The following CA12 variants were observed in gnomAD, a reference collection of about 807,000 sequenced individuals.
CA12 encodes the protein carbonate dehydratase XII.
In CA12, 36 loss-of-function variants were observed where a neutral mutation model predicts 46.8. The observed-to-expected ratio is 0.77, with a 90% CI of 0.59 to 1.02. The LOEUF (loss-of-function observed/expected upper bound fraction) is 1.02, where lower values mean the gene tolerates loss of function less well. Among genes scored for constraint, CA12 ranks in the 50% least tolerant of loss-of-function variants. CA12 has a pLI of 0.00. For synonymous variants in CA12, 202 were observed against 187.0 expected, an observed-to-expected ratio of 1.08 and a Z score of -0.65; for missense variants, 436 against 451.4, an observed-to-expected ratio of 0.97 and a Z score of 0.31.
chr15:63,341,178 GA>G lies in CA12; in HGVS notation c.526-396del, dbSNP rs530147601. On this transcript the variant is annotated intron_variant, in intron 5 of 10. Coordinates refer to ENST00000178638, the MANE Select transcript of CA12 (RefSeq NM_001218.5). The surrounding 1 kb of genome is among the most constrained non-coding windows in gnomAD (Gnocchi z 5.2). ...AATGAGGTACATACAGCCTCATTAG[GA>G]AAAAAAAACATGCAAGCCAATCAGA... is the stretch of plus-strand genomic sequence containing the variant. Among the ~76,000 whole-genome samples the G allele has an allele frequency of 2.7e-5, 4 of 150,648 alleles. No homozygotes were observed. Among genetic ancestry groups the G allele is most frequent in the East Asian group, 1.9e-4 (1 of 5,150 alleles).
Position 63,330,931 on chromosome 15 carries a change from G to A in CA12, c.875-2801C>T, listed in dbSNP as rs529911728. ...AGACAAAGAAAGGCCCAGAGACTGG[G>A]ACAGATACTTTTCAGCCAAGACTTT... On this transcript the variant is annotated intron_variant, in intron 8 of 10. Coordinates refer to ENST00000178638, the MANE Select transcript of CA12 (RefSeq NM_001218.5). This position sits in a 1 kb window ranked among gnomAD's most constrained non-coding sequence, Gnocchi z 4.0. Among the ~76,000 whole-genome samples, 6 of 152,232 alleles carry A rather than the reference G, an allele frequency of 3.9e-5. No homozygotes were observed. The highest frequency in any genetic ancestry group is 7.3e-5 in the Non-Finnish European group (5 of 68,042).
rs1359241411 is a variant in CA12, at chr15:63,322,571, CCG to C, written c.*3712_*3713del. On this transcript the variant is annotated 3_prime_UTR_variant, in exon 11 of 11. Transcript: ENST00000178638. The surrounding 1 kb of genome is among the most constrained non-coding windows in gnomAD (Gnocchi z 4.1). ...TAAAGGAGGGCCTGAGTTCCCTCTG[CCG>C]ACCTATGGCTCTCACTGCTATGCCT... is the stretch of plus-strand genomic sequence containing the variant. 6.6e-6 allele frequency: 1 copy of C among 152,196 alleles called. No individual in the cohort carries two copies. The highest frequency in any genetic ancestry group is 1.5e-5 in the Non-Finnish European group (1 of 68,036). 9.4% of individuals were successfully genotyped at this position (152,196 alleles called of 1,614,324 possible).
At position 63,340,841 on chromosome 15, in the gene CA12, T is replaced by G; in HGVS notation, c.526-58A>C. On this transcript the variant is annotated intron_variant, in intron 5 of 10. Transcript: ENST00000178638. The surrounding 1 kb of genome is among the most constrained non-coding windows in gnomAD (Gnocchi z 4.4). Reference sequence around the variant, plus strand: ...CAGAACAGGATAGGCTGAGCCAGGATTGACGATTGCTATCAGAAGGGCAAA... The same window carrying G: ...CAGAACAGGATAGGCTGAGCCAGGAGTGACGATTGCTATCAGAAGGGCAAA... The G allele has an allele frequency of 1.4e-5, 21 of 1,487,642 alleles. No homozygotes were observed. The South Asian group carries it at 2.4e-4, about 17-fold the overall frequency. The allele number at this position is 1,487,642 out of a possible 1,614,324, so 92.2% of individuals were successfully genotyped here.
In CA12 at chr15:63,364,346, A is replaced by AAAAAC. The variant is rs1555431590; in HGVS notation, c.106+11311_106+11312insGTTTT. 1.3e-4 allele frequency among the ~76,000 whole-genome samples: 19 copies of AAAAAC among 146,996 alleles called. 2 individuals are homozygous for AAAAAC. The highest frequency in any genetic ancestry group is 3.5e-4 in the Admixed American group (5 of 14,404). ...CCCCGTCACTAGAAAAAAAAAAAAA[A>AAAAAC]AAAAAAAAACAGTGGGACTCTTAGG... On this transcript the variant is annotated intron_variant, in intron 2 of 10. Transcript: ENST00000178638.
At chr15:63,359,512 TAC>T (rs556674711) in intron 2 of CA12, among the ~76,000 whole-genome samples, 4 of 151,302 alleles carry the variant, frequency 2.6e-5, no homozygotes, top group African/African-American at 4.8e-5. Context: ...CATATATATG[TAC>T]ACACACACAC....
chr15:63,381,651 G>A lies in CA12; in HGVS notation c.70C>T (p.Pro24Ser), dbSNP rs1363417986. ...LVILKEQPSS[P>S]APVNGSKWTY... The stretch of plus-strand genomic sequence containing the variant: ...GAAACTTTACCGTTCACTGGGGCCG[G>A]GCTGGAAGGCTGTTCCTTTAAGATC... The change falls in exon 1 of 11, where the codon CCG (proline) becomes TCG (serine). Residue 24 changes from proline (P) to serine (S), a missense_variant. Transcript: ENST00000178638. 7 of 1,611,542 alleles carry A rather than the reference G, an allele frequency of 4.3e-6. No homozygotes were observed. The highest frequency in any genetic ancestry group is 5.9e-6 in the Non-Finnish European group (7 of 1,178,970).
At position 63,377,984 on chromosome 15, in the gene CA12, C is replaced by T. The variant is rs527237970; in HGVS notation, c.86-2306G>A. Among the ~76,000 whole-genome samples the T allele has an allele frequency of 9.2e-5, 14 of 152,330 alleles. No homozygotes were observed. The South Asian group carries it at 2.9e-3, about 32-fold the overall frequency. On this transcript the variant is annotated intron_variant, in intron 1 of 10. Coordinates refer to ENST00000178638, the MANE Select transcript of CA12 (RefSeq NM_001218.5). ...ATTTACCATTAATTTAGCATTAGTG[C>T]CATGAACTTAGGGAATCTTCAAGTC...
chr15:63,355,845 T>C lies in CA12; in HGVS notation c.107-9136A>G, dbSNP rs1396646915. Among the ~76,000 whole-genome samples, 1 of 152,192 alleles carries C rather than the reference T, an allele frequency of 6.6e-6. No homozygotes were observed. The highest frequency in any genetic ancestry group is 1.9e-4 in the East Asian group (1 of 5,196). On this transcript the variant is annotated intron_variant, in intron 2 of 10. Transcript: ENST00000178638. The surrounding 1 kb of genome is among the most constrained non-coding windows in gnomAD (Gnocchi z 4.1). ...TGTGAAAGTGTTAAGTCCACAGCCC[T>C]GTAGCCACCGCCCTCGCAAGACATC...
chr15:63,350,123 T>A (rs2039208912), intron 2 of CA12, among the ~76,000 whole-genome samples: 1 of 152,158 alleles, frequency 6.6e-6, no homozygotes, highest in Non-Finnish European at 1.5e-5. Flanking sequence ...TCCCCCAGCA[T>A]GTAATGGCTA....
At chr15:63,353,510 G>A (rs946314646) in intron 2 of CA12, among the ~76,000 whole-genome samples, 1 of 152,186 alleles carries the variant, frequency 6.6e-6, no homozygotes, top group Non-Finnish European at 1.5e-5. Context: ...ACCTGCTTGT[G>A]TACATTCCTC....
rs781692852 is a variant in CA12, at chr15:63,340,715, C to A, written c.589+5G>T. 21 of 1,613,474 alleles carry A rather than the reference C, an allele frequency of 1.3e-5. No individual in the cohort carries two copies. The highest frequency in any genetic ancestry group is 9.3e-6 in the Non-Finnish European group (11 of 1,179,478). ...AGAGTGAATATGCATGCAAGGACCC[C>A]TCACCTTTGTACTTTACATGTTGAA... On this transcript the variant is annotated splice_donor_5th_base_variant and intron_variant, in intron 6 of 10. Transcript: ENST00000178638. The surrounding 1 kb of genome is among the most constrained non-coding windows in gnomAD (Gnocchi z 4.4).
intron 2 of CA12, among the ~76,000 whole-genome samples, chr15:63,368,589 C>T (rs888025042): frequency 1.4e-4 from 21 of 152,242 alleles, no homozygotes; most frequent in Non-Finnish European, 2.8e-4. Flanking sequence ...ACTGGCTCCT[C>T]TTCTTAAGGG....
chr15:63,334,260 T>C, intron 8 of CA12, among the ~76,000 whole-genome samples: 1 of 136,792 alleles, frequency 7.3e-6, no homozygotes, highest in Non-Finnish European at 1.6e-5. Context: ...TTTTTTTTTT[T>C]TTTTTTTTTT....
chr15:63,368,825 C>T lies in CA12; in HGVS notation c.106+6833G>A, dbSNP rs139625246. 9.8e-4 allele frequency among the ~76,000 whole-genome samples: 149 copies of T among 151,880 alleles called. 1 individual carries two copies. The highest frequency in any genetic ancestry group is 2.6e-3 in the African/African-American group (106 of 41,354). Reference sequence around the variant, plus strand: ...TGATGCTGCCCCAGTGGGAAAAGGGCGCTGCATGAGGCTAGGCTGGTGTCA... The same window carrying T: ...TGATGCTGCCCCAGTGGGAAAAGGGTGCTGCATGAGGCTAGGCTGGTGTCA... On this transcript the variant is annotated intron_variant, in intron 2 of 10. Coordinates refer to ENST00000178638, the MANE Select transcript of CA12 (RefSeq NM_001218.5).
At chr15:63,375,537 A>G (rs982592527) in intron 2 of CA12, 121 bp downstream of exon 2, 2 of 695,082 alleles carry the variant, frequency 2.9e-6, no homozygotes, top group Non-Finnish European at 5.1e-6. Flanking sequence ...CTACAATACA[A>G]GAACTGTGCT....
At chr15:63,349,457 G>A (rs561210664) in intron 2 of CA12, among the ~76,000 whole-genome samples, 70 of 152,246 alleles carry the variant, frequency 4.6e-4, no homozygotes, top group African/African-American at 1.6e-3. Flanking sequence ...CATCCACAGC[G>A]GAGTTCGTCC....
At chr15:63,356,552 C>T (rs960099299) in intron 2 of CA12, among the ~76,000 whole-genome samples, 42 of 146,150 alleles carry the variant, frequency 2.9e-4, no homozygotes, top group African/African-American at 1.1e-3. Context: ...GACAGAGTCT[C>T]TCGCTCTGTT....
Position 63,328,220 on chromosome 15 carries a change from T to C in CA12, c.875-90A>G, listed in dbSNP as rs2038893118. The stretch of plus-strand genomic sequence containing the variant: ...TGTTGAGAGACGCTCTACCATTTGT[T>C]TGGTCTTAGGCTGACAGACCTCTAG... On this transcript the variant is annotated intron_variant, in intron 8 of 10. Coordinates refer to ENST00000178638, the MANE Select transcript of CA12 (RefSeq NM_001218.5). The surrounding 1 kb of genome is among the most constrained non-coding windows in gnomAD (Gnocchi z 5.9). 1.6e-6 allele frequency: 2 copies of C among 1,248,842 alleles called. No individual in the cohort carries two copies. Among genetic ancestry groups the C allele is most frequent in the African/African-American group, 1.5e-5 (1 of 68,080 alleles). The allele number at this position is 1,248,842 out of a possible 1,614,324, so 77.4% of individuals were successfully genotyped here.
chr15:63,344,897 C>A (rs1430093617), intron 4 of CA12, among the ~76,000 whole-genome samples: 1 of 152,154 alleles, frequency 6.6e-6, no homozygotes, highest in Non-Finnish European at 1.5e-5. Flanking sequence ...TGACACGATG[C>A]TGTGCTGGCT....
Sources: gnomAD v4.1 joint callset for allele counts (sites outside exome capture counted in the v4.1 genomes callset) on GRCh38, gnomAD v4.1.1 for gene constraint, Gnocchi (gnomAD v3.1) non-coding constraint, MANE v1.5 for transcripts, NCBI Gene and HGNC (gene_info 2026-07-23, HGNC 2026-07-21) for gene names.